RCOR1: variants seen among roughly 807,000 people sequenced by gnomAD.
RCOR1 encodes the protein REST corepressor.
In RCOR1, 12 loss-of-function variants were observed where a neutral mutation model predicts 64.0. The ratio of observed to expected loss-of-function variants is 0.19; its 90% confidence interval spans 0.12 to 0.30. RCOR1 has a LOEUF of 0.30. Ranked by LOEUF, RCOR1 falls within the 10% of genes least tolerant of loss-of-function variation. The pLI is 1.00. For synonymous variants in RCOR1, 279 were observed against 227.2 expected, an observed-to-expected ratio of 1.23 and a Z score of -2.05; for missense variants, 502 against 621.2, an observed-to-expected ratio of 0.81 and a Z score of 2.04.
At chr14:102,725,640 C>T (rs1158345273) in intron 11 of RCOR1, among the ~76,000 whole-genome samples, 4 of 152,108 alleles carry the variant, frequency 2.6e-5, no homozygotes, top group African/African-American at 7.2e-5. Flanking sequence ...TGCAGTGGTA[C>T]GATCTTAGCT....
intron 2 of RCOR1, among the ~76,000 whole-genome samples, chr14:102,651,413 C>T (rs1240534360): frequency 1.3e-5 from 2 of 151,896 alleles, no homozygotes; most frequent in African/African-American, 2.4e-5. Flanking sequence ...ATTAGCTGGG[C>T]GTGGTGGCGG....
chr14:102,603,142 T>A (rs1893438200), intron 2 of RCOR1, among the ~76,000 whole-genome samples: 1 of 151,930 alleles, frequency 6.6e-6, no homozygotes, highest in Non-Finnish European at 1.5e-5. Context: ...TGCAGTGGCG[T>A]GATCATAGCG....
At chr14:102,646,455 T>C (rs1399151830) in intron 2 of RCOR1, among the ~76,000 whole-genome samples, 2 of 151,810 alleles carry the variant, frequency 1.3e-5, no homozygotes, top group Non-Finnish European at 1.5e-5. Context: ...TAAGAGAAAA[T>C]GCATGACATA....
At chr14:102,624,466 A>G (rs1183287177) in intron 2 of RCOR1, among the ~76,000 whole-genome samples, 1 of 152,050 alleles carries the variant, frequency 6.6e-6, no homozygotes, top group Non-Finnish European at 1.5e-5. Context: ...GATCATGCCA[A>G]CTGCACTCCA....
intron 2 of RCOR1, chr14:102,662,339 G>T: frequency 3.5e-6 from 2 of 566,698 alleles, no homozygotes; most frequent in South Asian, 1.4e-5. Flanking sequence ...TCAGGGTGTT[G>T]ACCGGGCCAC....
intron 2 of RCOR1, among the ~76,000 whole-genome samples, chr14:102,619,449 GTCTA>G (rs796814177): frequency 2.8e-5 from 4 of 144,960 alleles, no homozygotes; most frequent in Non-Finnish European, 6.0e-5. Flanking sequence ...CTGTCTGTCT[GTCTA>G]TCTATCTATT....
At chr14:102,699,634 A>G (rs891432932) in intron 3 of RCOR1, among the ~76,000 whole-genome samples, 1 of 152,086 alleles carries the variant, frequency 6.6e-6, no homozygotes, top group Non-Finnish European at 1.5e-5. Flanking sequence ...AAAGTGGATC[A>G]CTCTGAGCCT....
At chr14:102,701,474 T>A in intron 4 of RCOR1, 144 bp downstream of exon 4, 1 of 562,840 alleles carries the variant, frequency 1.8e-6, no homozygotes, top group Non-Finnish European at 3.0e-6. Context: ...ACACAAACTC[T>A]GGTCTTCTTT....
At chr14:102,693,212 A>G (rs967203051) in intron 3 of RCOR1, among the ~76,000 whole-genome samples, 1 of 152,132 alleles carries the variant, frequency 6.6e-6, no homozygotes, top group Non-Finnish European at 1.5e-5. Context: ...ATGTGCATTC[A>G]TAGTTCTTTT....
intron 2 of RCOR1, among the ~76,000 whole-genome samples, chr14:102,666,055 G>T (rs1365061782): frequency 6.6e-6 from 1 of 152,170 alleles, no homozygotes; most frequent in Non-Finnish European, 1.5e-5. Context: ...TGCTAACCTG[G>T]ACTAGGAGAG....
Position 102,597,246 on chromosome 14 carries a change from TAAC to T in RCOR1, c.361+3923_361+3925del, listed in dbSNP as rs201014821. 6.7e-3 allele frequency among the ~76,000 whole-genome samples: 1,024 copies of T among 152,266 alleles called. 12 individuals carry two copies. The highest frequency in any genetic ancestry group is 0.024 in the African/African-American group (990 of 41,554). On this transcript the variant is annotated intron_variant, in intron 2 of 11. Coordinates refer to ENST00000262241, the MANE Select transcript of RCOR1 (RefSeq NM_015156.4). Reference sequence around the variant, plus strand: ...TGAACAGAGAGGTGGACGTGAAACTTAACAGGCAGCTTTTTTTCTTTTCTTTTT... The same window carrying T: ...TGAACAGAGAGGTGGACGTGAAACTTAGGCAGCTTTTTTTCTTTTCTTTTT...
chr14:102,705,012 A>G (rs775151818), intron 4 of RCOR1, among the ~76,000 whole-genome samples: 13 of 152,070 alleles, frequency 8.5e-5, no homozygotes, highest in Non-Finnish European at 5.9e-5. Context: ...TGTAGTCTCA[A>G]TTACTCTGGA....
At position 102,683,702 on chromosome 14, in the gene RCOR1, G is replaced by A. The variant is rs537445619; in HGVS notation, c.445+1724G>A. Among the ~76,000 whole-genome samples, 47 of 152,362 alleles carry A rather than the reference G, an allele frequency of 3.1e-4. No individual in the cohort carries two copies. In the East Asian group the frequency reaches 8.7e-3, roughly 28 times the overall value. ...CGAATGTGGCCCCCGCTGACCTGGA[G>A]ATGGCAGCCAGTGCGCTCGGCCACG... On this transcript the variant is annotated intron_variant, in intron 3 of 11. Transcript: ENST00000262241.
In RCOR1 at chr14:102,641,032, TC is replaced by T. The variant is rs1334976587; in HGVS notation, c.362-40862del. 5.9e-5 allele frequency among the ~76,000 whole-genome samples: 9 copies of T among 152,182 alleles called. No homozygotes were observed. The South Asian group carries it at 1.9e-3, about 32-fold the overall frequency. ...ACTTTGGGAGGCTGAGGCAGGTGGA[TC>T]ACGAGGTCAGGAGATCGAGACCGTC... is the stretch of plus-strand genomic sequence containing the variant. On this transcript the variant is annotated intron_variant, in intron 2 of 11. Coordinates refer to ENST00000262241, the MANE Select transcript of RCOR1 (RefSeq NM_015156.4).
chr14:102,679,677 A>G (rs1301630866), intron 2 of RCOR1, among the ~76,000 whole-genome samples: 6 of 152,034 alleles, frequency 3.9e-5, no homozygotes, highest in Admixed American at 3.9e-4. Context: ...ACGGGGTTTC[A>G]TCATGTTAGC....
chr14:102,637,454 TA>T (rs1894267961), intron 2 of RCOR1, among the ~76,000 whole-genome samples: 1 of 151,854 alleles, frequency 6.6e-6, no homozygotes, highest in Non-Finnish European at 1.5e-5. Flanking sequence ...TTTTTTTATT[TA>T]AAAAAATGTT....
intron 2 of RCOR1, chr14:102,662,568 G>A (rs1285650669): frequency 3.0e-5 from 14 of 466,938 alleles, no homozygotes; most frequent in Middle Eastern, 5.0e-4. Context: ...GTTTTGGGCC[G>A]CTGGAAGGTG....
rs547850071 is a variant in RCOR1, at chr14:102,707,396, T to C, written c.544T>C (p.Leu182=). 8.1e-6 allele frequency: 13 copies of C among 1,613,474 alleles called. No individual in the cohort carries two copies. In the African/African-American group the frequency reaches 1.3e-4, roughly 17 times the overall value. Reference sequence around the variant, plus strand: ...GCATAAACATAATATCGAAAAGTCATTGGCTGATTTGCCCAACTTTACCCC... The same window carrying C: ...GCATAAACATAATATCGAAAAGTCACTGGCTGATTTGCCCAACTTTACCCC... The part of the protein sequence containing the change: ...FWHKHNIEKS[L]ADLPNFTPFP... The change falls in exon 5 of 12, where the codon TTG becomes CTG. Residue 182 remains leucine, a synonymous_variant. Transcript: ENST00000262241.
At chr14:102,603,058 A>T (rs1893436044) in intron 2 of RCOR1, among the ~76,000 whole-genome samples, 1 of 151,438 alleles carries the variant, frequency 6.6e-6, no homozygotes, top group Non-Finnish European at 1.5e-5. Context: ...TTAATTTTTA[A>T]TTTTTAATTT....
Sources: gnomAD v4.1 joint callset for allele counts (sites outside exome capture counted in the v4.1 genomes callset) on GRCh38, gnomAD v4.1.1 for gene constraint, MANE v1.5 for transcripts, NCBI Gene and HGNC (gene_info 2026-07-23, HGNC 2026-07-21) for gene names.